PDE4B: variants seen among roughly 807,000 people sequenced by gnomAD.
The protein encoded by PDE4B is 3',5'-cyclic-AMP phosphodiesterase 4B.
PDE4B carries 20 observed loss-of-function variants against 82.2 expected under a neutral mutation model. The observed-to-expected ratio is 0.24, with a 90% CI of 0.17 to 0.35. PDE4B has a LOEUF of 0.35. PDE4B is among the 10% of genes least tolerant of loss of function. The pLI is 1.00. For missense variants in PDE4B, 655 were observed against 907.2 expected (o/e 0.72, Z 3.57); for synonymous variants, 320 against 318.9 (o/e 1.00, Z -0.04).
intron 7 of PDE4B, among the ~76,000 whole-genome samples, chr1:66,297,947 G>T (rs1657626327): frequency 1.3e-5 from 2 of 152,092 alleles, no homozygotes; most frequent in South Asian, 4.1e-4. Flanking sequence ...TGGTGAACAA[G>T]GTTGTCCTAT....
intron 1 of PDE4B, among the ~76,000 whole-genome samples, chr1:65,853,492 T>A (rs1232900626): frequency 1.3e-5 from 2 of 152,132 alleles, no homozygotes; most frequent in African/African-American, 4.8e-5. Flanking sequence ...TAAAAATATT[T>A]TGTGTTATTC....
rs751002507 is a variant in PDE4B, at chr1:66,247,465, A to G, written c.287A>G (p.Asp96Gly). 6.4e-7 allele frequency: 1 copy of G among 1,568,706 alleles called. No individual in the cohort carries two copies. The highest frequency in any genetic ancestry group is 1.9e-5 in the Admixed American group (1 of 51,396). ...TTTCCCACTTTCTCTTTAAGCTTTG[A>G]TGTGGAAAATGGCCCTTCCCCAGGT... ...AITTVSQECFDVENGPSPGRS... is the reference protein window; with the variant it reads ...AITTVSQECFGVENGPSPGRS... Residue 96 changes from aspartate to glycine, a missense_variant, in exon 4 of 17, where the codon GAT (aspartate) becomes GGT (glycine). Physicochemically the swap from Asp to Gly is moderately conservative, Grantham distance 94 (BLOSUM62 -1). Around this residue, in one of 3 missense-constraint regions of PDE4B, gnomAD observed 253 missense variants for 275.6 expected, o/e 0.92. Transcript: ENST00000341517.
intron 1 of PDE4B, among the ~76,000 whole-genome samples, chr1:65,861,516 T>C (rs537596603): frequency 6.6e-6 from 1 of 152,244 alleles, no homozygotes; most frequent in South Asian, 2.1e-4. Context: ...CTTAGGATTG[T>C]CTTAGCTATA....
At chr1:66,236,671 G>A (rs1485697183) in intron 3 of PDE4B, among the ~76,000 whole-genome samples, 2 of 152,130 alleles carry the variant, frequency 1.3e-5, no homozygotes, top group Non-Finnish European at 2.9e-5. Flanking sequence ...ACAAAACGAT[G>A]ATGCAGGAGA....
chr1:66,139,234 C>T (rs147006818), intron 3 of PDE4B, among the ~76,000 whole-genome samples: 3 of 152,326 alleles, frequency 2.0e-5, no homozygotes, highest in Non-Finnish European at 4.4e-5. Context: ...GCCTTCCTTT[C>T]TGGAGGTTCT....
At chr1:66,134,133 CA>C (rs1264121790) in intron 3 of PDE4B, among the ~76,000 whole-genome samples, 1 of 151,860 alleles carries the variant, frequency 6.6e-6, no homozygotes, top group African/African-American at 2.4e-5. Flanking sequence ...ATGTTGAAAC[CA>C]AAAGAACAGT....
chr1:65,981,151 T>C (rs1650664715), intron 3 of PDE4B, among the ~76,000 whole-genome samples: 1 of 152,180 alleles, frequency 6.6e-6, no homozygotes, highest in Non-Finnish European at 1.5e-5. Flanking sequence ...ATGATATTTC[T>C]ACCTATAATA....
chr1:66,150,989 T>C (rs568313391), intron 3 of PDE4B, among the ~76,000 whole-genome samples: 3 of 152,338 alleles, frequency 2.0e-5, no homozygotes, highest in African/African-American at 7.2e-5. Context: ...TTAGCCTGTA[T>C]TTTTCTTTCC....
intron 6 of PDE4B, among the ~76,000 whole-genome samples, chr1:66,260,065 G>A (rs1654570166): frequency 6.6e-6 from 1 of 152,148 alleles, no homozygotes; most frequent in African/African-American, 2.4e-5. Flanking sequence ...TATTATAATG[G>A]ATCGTTACAT....
intron 3 of PDE4B, among the ~76,000 whole-genome samples, chr1:66,041,165 A>T (rs1484501558): frequency 6.6e-6 from 1 of 151,988 alleles, no homozygotes; most frequent in African/African-American, 2.4e-5. Context: ...CATGCTAAGC[A>T]AAGTAGCTTA....
chr1:66,095,623 A>G (rs930581519), intron 3 of PDE4B, among the ~76,000 whole-genome samples: 5 of 151,944 alleles, frequency 3.3e-5, no homozygotes, highest in Admixed American at 2.6e-4. Context: ...AGCCATAGCC[A>G]ATTTGCTGAA....
At chr1:66,237,054 G>GA (rs1487986906) in intron 3 of PDE4B, among the ~76,000 whole-genome samples, 6 of 152,202 alleles carry the variant, frequency 3.9e-5, no homozygotes, top group Non-Finnish European at 5.9e-5. Flanking sequence ...ATACCTGTGA[G>GA]AAAAAAATAT....
intron 3 of PDE4B, among the ~76,000 whole-genome samples, chr1:66,159,599 A>C (rs1646569763): frequency 6.6e-6 from 1 of 152,146 alleles, no homozygotes; most frequent in Non-Finnish European, 1.5e-5. Flanking sequence ...CACTTCAGAC[A>C]ATCTGTTTGT....
chr1:66,219,438 G>T (rs1340952688), intron 3 of PDE4B, among the ~76,000 whole-genome samples: 4 of 152,142 alleles, frequency 2.6e-5, no homozygotes. Flanking sequence ...TTCTTACATT[G>T]TGGTTTCAGT....
intron 8 of PDE4B, among the ~76,000 whole-genome samples, chr1:66,337,136 G>A (rs1003458790): frequency 1.3e-5 from 2 of 152,240 alleles, no homozygotes; most frequent in African/African-American, 2.4e-5. Flanking sequence ...CTCAGTCCTT[G>A]AAAGGAATAT....
At chr1:65,859,157 T>C (rs1646426794) in intron 1 of PDE4B, among the ~76,000 whole-genome samples, 1 of 152,100 alleles carries the variant, frequency 6.6e-6, no homozygotes, top group South Asian at 2.1e-4. Flanking sequence ...GAACTTATTT[T>C]TGGTTATCCA....
chr1:66,332,149 G>A, intron 7 of PDE4B: 8 of 1,360,320 alleles, frequency 5.9e-6, no homozygotes, highest in Non-Finnish European at 7.6e-6. Context: ...AAGGCAGAGA[G>A]AGTCTGAGAA....
At chr1:66,187,047 T>G (rs1647252226) in intron 3 of PDE4B, among the ~76,000 whole-genome samples, 1 of 152,192 alleles carries the variant, frequency 6.6e-6, no homozygotes, top group Non-Finnish European at 1.5e-5. Context: ...GTATGAAGGT[T>G]GTTGAATTTT....
intron 3 of PDE4B, among the ~76,000 whole-genome samples, chr1:66,003,146 A>G (rs1651957753): frequency 6.6e-6 from 1 of 152,140 alleles, no homozygotes; most frequent in Non-Finnish European, 1.5e-5. Flanking sequence ...GTTAGTAAAG[A>G]AGTACATTTA....
Sources: allele counts gnomAD v4.1 joint callset (sites outside exome capture counted in the v4.1 genomes callset), GRCh38; gene constraint gnomAD v4.1.1; regional missense constraint gnomAD v4.1.1; transcripts MANE v1.5; gene names NCBI Gene and HGNC (gene_info 2026-07-23, HGNC 2026-07-21).